The following CSMD1 variants were observed in gnomAD, a reference collection of about 807,000 sequenced individuals.
CSMD1 encodes the protein CUB and sushi domain-containing protein 1.
In CSMD1, 213 loss-of-function variants were observed where a neutral mutation model predicts 417.5. The ratio of observed to expected loss-of-function variants is 0.51; its 90% CI spans 0.46 to 0.57. The LOEUF is 0.57. Ranked by LOEUF, CSMD1 falls within the 20% of genes least tolerant of loss-of-function variation. The pLI, the probability that CSMD1 is intolerant of heterozygous loss-of-function variation, is 0.00. For missense variants in CSMD1, 6,923 were observed against 4,529.7 expected, an observed-to-expected ratio of 1.53 and a Z score of -15.17; for synonymous variants, 2,862 against 1,736.8, an observed-to-expected ratio of 1.65 and a Z score of -16.11.
rs567783034 is a variant in CSMD1 at position 4,326,266 on chromosome 8, T to C, written c.415+93687A>G. Among the ~76,000 whole-genome samples, 6 of 152,300 alleles carry C rather than the reference T, an allele frequency of 3.9e-5. No homozygotes were observed. In the South Asian group the frequency reaches 1.2e-3, roughly 32 times the overall value. The stretch of plus-strand genomic sequence containing the variant: ...GATGACCAAAGACTGCAGATCATCT[T>C]CACATACGGTGGGAGACTCAGACAT... On this transcript the variant is annotated intron_variant, in intron 3 of 69. Coordinates refer to ENST00000635120, the MANE Select transcript of CSMD1 (RefSeq NM_033225.6).
In CSMD1 at chr8:4,016,848, G is replaced by A. The variant is rs1796547417; in HGVS notation, c.610+15057C>T. Among the ~76,000 whole-genome samples, 3 of 152,136 alleles carry A rather than the reference G, an allele frequency of 2.0e-5. No homozygotes were observed. In the South Asian group the frequency reaches 6.2e-4, roughly 32 times the overall value. Reference sequence around the variant, plus strand: ...GTTGTTGGAAGTCATGTCTATCAAAGACCAAGAACAGCAGTTTTAGTTGGG... The same window carrying A: ...GTTGTTGGAAGTCATGTCTATCAAAAACCAAGAACAGCAGTTTTAGTTGGG... On this transcript the variant is annotated intron_variant, in intron 4 of 69. Coordinates refer to ENST00000635120, the MANE Select transcript of CSMD1 (RefSeq NM_033225.6).
At chr8:3,924,995 G>A (rs1006173261) in intron 5 of CSMD1, among the ~76,000 whole-genome samples, 2 of 151,992 alleles carry the variant, frequency 1.3e-5, no homozygotes, top group South Asian at 2.1e-4. Flanking sequence ...TTTAGTCCTT[G>A]CTGACTGGTA....
chr8:4,935,207 A>G (rs550124134), intron 1 of CSMD1, among the ~76,000 whole-genome samples: 1 of 152,274 alleles, frequency 6.6e-6, no homozygotes, highest in South Asian at 2.1e-4. Context: ...CTGCCTTCCC[A>G]TATGTGGTCC....
chr8:4,089,428 T>C (rs1457078524), intron 3 of CSMD1, among the ~76,000 whole-genome samples: 1 of 152,202 alleles, frequency 6.6e-6, no homozygotes, highest in East Asian at 1.9e-4. Context: ...GCATTCTGTG[T>C]CATTATTTTT....
intron 4 of CSMD1, among the ~76,000 whole-genome samples, chr8:4,026,435 G>T (rs2688355): frequency 0.21 from 31,489 of 152,162 alleles, 4,054 homozygotes; most frequent in South Asian, 0.32. Flanking sequence ...TTAGCTGACT[G>T]TTATGTCAAC....
intron 7 of CSMD1, among the ~76,000 whole-genome samples, chr8:3,646,572 G>C (rs1260683420): frequency 6.6e-6 from 1 of 152,198 alleles, no homozygotes; most frequent in African/African-American, 2.4e-5. Context: ...TGTTTCCCCT[G>C]ATTCTCAGTA....
intron 4 of CSMD1, among the ~76,000 whole-genome samples, chr8:4,013,359 C>T (rs1378873902): frequency 2.0e-5 from 3 of 152,138 alleles, no homozygotes; most frequent in African/African-American, 7.2e-5. Flanking sequence ...CTGGTTGATC[C>T]CTCTGTCAGA....
chr8:3,549,282 G>C (rs188285318), intron 10 of CSMD1, among the ~76,000 whole-genome samples: 10 of 152,358 alleles, frequency 6.6e-5, no homozygotes, highest in Admixed American at 3.3e-4. Context: ...GTGACTGTGT[G>C]TCCTGCAAAA....
At position 3,795,093 on chromosome 8, in the gene CSMD1, A is replaced by C. The variant is rs78866075; in HGVS notation, c.819-41051T>G. Among the ~76,000 whole-genome samples the C allele has an allele frequency of 1.3e-4, 10 of 74,508 alleles. 1 individual carries two copies. The South Asian group carries it at 2.8e-3, about 21-fold the overall frequency. The allele number at this position is 74,508 out of a possible 152,430, so 48.9% of individuals were successfully genotyped here. A position where few individuals can be genotyped will look rare whatever the true frequency, so the allele number is the denominator to read the frequency against. On this transcript the variant is annotated intron_variant, in intron 5 of 69. Transcript: ENST00000635120. ...ATCTATCATGTACAGCTATAGATAT[A>C]TATCTATCATGTACAGCTATAGATA...
intron 5 of CSMD1, among the ~76,000 whole-genome samples, chr8:3,981,775 C>G (rs536890783): frequency 4.6e-5 from 7 of 152,168 alleles, no homozygotes; most frequent in African/African-American, 1.7e-4. Context: ...AGGCTGTGCG[C>G]TTCACAAAGT....
intron 15 of CSMD1, 95 bp downstream of exon 15, chr8:3,405,932 C>T (rs758255034): frequency 5.0e-6 from 6 of 1,192,778 alleles, no homozygotes; most frequent in Non-Finnish European, 7.1e-6. Context: ...TTAGGGCAGC[C>T]CTAGCAAGCT....
At chr8:3,678,453 T>G (rs548741793) in intron 7 of CSMD1, among the ~76,000 whole-genome samples, 2 of 152,116 alleles carry the variant, frequency 1.3e-5, no homozygotes, top group African/African-American at 4.8e-5. Context: ...GAAGATCAAA[T>G]GAATGAAATG....
rs753727313 is a variant in CSMD1 at position 3,142,613 on chromosome 8, T to C, written c.6093A>G (p.Gln2031=). The part of the protein sequence containing the change: ...TEANHDFLEI[Q]NGPYHTSPMI... The stretch of plus-strand genomic sequence containing the variant: ...TGGGGCTGGTGTGGTAAGGTCCATT[T>C]TGAATTTCAAGGAAGTCATGATTAG... Residue 2031 remains glutamine, a synonymous_variant, in exon 41 of 70, where the codon CAA becomes CAG. Coordinates refer to ENST00000635120, the MANE Select transcript of CSMD1 (RefSeq NM_033225.6). 4 of 1,614,000 alleles carry C rather than the reference T, an allele frequency of 2.5e-6. No homozygotes were observed. Among genetic ancestry groups the C allele is most frequent in the Admixed American group, 1.7e-5 (1 of 60,020 alleles).
chr8:3,302,458 C>A (rs1027086571), intron 25 of CSMD1, among the ~76,000 whole-genome samples: 5 of 152,116 alleles, frequency 3.3e-5, no homozygotes, highest in African/African-American at 9.7e-5. Context: ...TCCTGTAATT[C>A]CATTTATGTG....
chr8:4,191,496 G>T (rs984087247), intron 3 of CSMD1, among the ~76,000 whole-genome samples: 3 of 152,140 alleles, frequency 2.0e-5, no homozygotes, highest in Non-Finnish European at 2.9e-5. Context: ...TTACTTGTCT[G>T]CAAGATACTG....
rs563180311 is a variant in CSMD1 at position 4,215,091 on chromosome 8, C to T, written c.416-182992G>A. ...AACCAACGAAATACAAACAATGCTT[C>T]TATTCCGGACAAGTGAATAGGTCTC... On this transcript the variant is annotated intron_variant, in intron 3 of 69. Coordinates refer to ENST00000635120, the MANE Select transcript of CSMD1 (RefSeq NM_033225.6). Among the ~76,000 whole-genome samples the T allele has an allele frequency of 3.9e-5, 6 of 152,292 alleles. 1 individual carries two copies. The highest frequency in any genetic ancestry group is 1.4e-4 in the African/African-American group (6 of 41,554).
chr8:3,875,751 G>C (rs1585125531), intron 5 of CSMD1, among the ~76,000 whole-genome samples: 1 of 152,168 alleles, frequency 6.6e-6, no homozygotes, highest in Non-Finnish European at 1.5e-5. Context: ...CAAAGAAATG[G>C]AGACAGCCAG....
intron 5 of CSMD1, among the ~76,000 whole-genome samples, chr8:3,957,709 A>C (rs2627502): frequency 1.3e-5 from 2 of 151,334 alleles, no homozygotes; most frequent in African/African-American, 2.4e-5. Flanking sequence ...GAGAAGAGGA[A>C]AAGAGAAAAG....
At chr8:3,925,675 C>A (rs1237066434) in intron 5 of CSMD1, among the ~76,000 whole-genome samples, 5 of 151,958 alleles carry the variant, frequency 3.3e-5, no homozygotes, top group African/African-American at 1.2e-4. Context: ...GCCTCCTCCT[C>A]ATTTTTCTCT....
Sources: gnomAD v4.1 joint callset for allele counts (sites outside exome capture counted in the v4.1 genomes callset) on GRCh38, gnomAD v4.1.1 for gene constraint, MANE v1.5 for transcripts, NCBI Gene and HGNC (gene_info 2026-07-23, HGNC 2026-07-21) for gene names.